The following ZNF790 variants were observed in gnomAD, a reference collection of about 807,000 sequenced individuals.
ZNF790 encodes zinc finger protein 790.
In ZNF790, 8 loss-of-function variants were observed where a neutral mutation model predicts 12.1. That is an observed-to-expected ratio of 0.66 (90% confidence interval 0.39 to 1.19). The LOEUF is 1.19. ZNF790 is among the 50% of genes most tolerant of loss of function. ZNF790 has a pLI of 0.01. For missense variants in ZNF790, 707 were observed against 752.2 expected, an observed-to-expected ratio of 0.94 and a Z score of 0.70; for synonymous variants, 252 against 244.3, an observed-to-expected ratio of 1.03 and a Z score of -0.29.
At chr19:36,832,764 A>C (rs2071967102) in intron 1 of ZNF790, among the ~76,000 whole-genome samples, 1 of 152,184 alleles carries the variant, frequency 6.6e-6, no homozygotes, top group African/African-American at 2.4e-5. Context: ...ACAGCAATAG[A>C]TAACTAATAT....
At position 36,818,850 on chromosome 19, in the gene ZNF790, T is replaced by A. The variant is rs1568332482; in HGVS notation, c.1494A>T (p.Lys498Asn). 1 of 1,613,712 alleles carries A rather than the reference T, an allele frequency of 6.2e-7. No homozygotes were observed. Among genetic ancestry groups the A allele is most frequent in the Non-Finnish European group, 8.5e-7 (1 of 1,179,888 alleles). The part of the protein sequence containing the change: ...FRGSELNRHQ[K>N]IHTGKRPYEC... Reference sequence around the variant, plus strand: ...CATATGGCCTCTTTCCAGTATGAATTTTCTGGTGTCGATTAAGTTCTGAAC... The same window carrying A: ...CATATGGCCTCTTTCCAGTATGAATATTCTGGTGTCGATTAAGTTCTGAAC... The change falls in exon 5 of 5, where the codon AAA becomes AAT. Residue 498 changes from lysine (K) to asparagine (N), a missense_variant. Physicochemically the swap from Lys to Asn is moderately conservative, Grantham distance 94. Transcript: ENST00000356725.
Position 36,823,992 on chromosome 19 carries a change from C to CTTTTTTTTTTT in ZNF790, c.10-213_10-203dup. Among the ~76,000 whole-genome samples the CTTTTTTTTTTT allele has an allele frequency of 1.4e-3, 144 of 104,378 alleles. 10 individuals carry two copies. The highest frequency in any genetic ancestry group is 5.8e-3 in the African/African-American group (136 of 23,552). 68.5% of individuals were successfully genotyped at this position (104,378 alleles called of 152,430 possible). A position where few individuals can be genotyped will look rare whatever the true frequency, so the allele number is the denominator to read the frequency against. ...GACAAAAGCCAAGTGTCTACATGCT[C>CTTTTTTTTTTT]TTTTTTTTTTTTTTTTTTTTTGAGA... On this transcript the variant is annotated intron_variant, in intron 2 of 4. Transcript: ENST00000356725.
chr19:36,844,023 TTA>T (rs1491303448), intron 1 of ZNF790, among the ~76,000 whole-genome samples: 5 of 106,716 alleles, frequency 4.7e-5, no homozygotes, highest in African/African-American at 1.8e-4. Flanking sequence ...AAAAAAAAAA[TTA>T]AAAAAAAAAA....
chr19:36,820,035 T>G lies in ZNF790; in HGVS notation c.309A>C (p.Ile103=), dbSNP rs1301235307. ...IFEREIAQLE[I]MRICKNHSLD... ...GGCTGTGGTTTTTACAAATTCTCAT[T>G]ATTTCCAATTGGGCTATTTCTCTCT... Residue 103 remains isoleucine, a synonymous_variant, in exon 5 of 5, where the codon ATA becomes ATC. Transcript: ENST00000356725. The G allele has an allele frequency of 9.9e-6, 16 of 1,613,224 alleles. No individual in the cohort carries two copies. Among genetic ancestry groups the G allele is most frequent in the Non-Finnish European group, 1.3e-5 (15 of 1,180,032 alleles).
intron 1 of ZNF790, among the ~76,000 whole-genome samples, chr19:36,835,160 A>C (rs1443727699): frequency 1.3e-5 from 2 of 152,144 alleles, no homozygotes; most frequent in Non-Finnish European, 2.9e-5. Flanking sequence ...ATGTTGGCGC[A>C]TGCCTGTAGT....
chr19:36,819,127 C>T lies in ZNF790; in HGVS notation c.1217G>A (p.Ser406Asn), dbSNP rs750365504. 8 of 1,613,318 alleles carry T rather than the reference C, an allele frequency of 5.0e-6. No homozygotes were observed. In the South Asian group the frequency reaches 6.6e-5, roughly 13 times the overall value. ...CEKCGKAYIW[S>N]SHLARHQRIH... ...TCGCTGATGTCGAGCAAGGTGTGAGCTCCAAATATAGGCTTTCCCACATTT... is the reference window on the plus strand; with the variant it reads ...TCGCTGATGTCGAGCAAGGTGTGAGTTCCAAATATAGGCTTTCCCACATTT... The change falls in exon 5 of 5, where the codon AGC (serine) becomes AAC (asparagine). Residue 406 changes from serine (S) to asparagine (N), a missense_variant. Transcript: ENST00000356725.
At chr19:36,830,448 G>T (rs889326900) in intron 1 of ZNF790, among the ~76,000 whole-genome samples, 1 of 152,108 alleles carries the variant, frequency 6.6e-6, no homozygotes, top group Non-Finnish European at 1.5e-5. Flanking sequence ...GCTACTACTT[G>T]TTGAGGATTT....
upstream of ZNF790, among the ~76,000 whole-genome samples, chr19:36,841,585 A>G (rs546544446): frequency 4.5e-4 from 69 of 151,818 alleles, no homozygotes; most frequent in African/African-American, 1.6e-3. Context: ...ACACCACTGC[A>G]CTCCAGCCTG....
At chr19:36,821,669 C>T (rs368334796) in intron 4 of ZNF790, among the ~76,000 whole-genome samples, 3 of 152,152 alleles carry the variant, frequency 2.0e-5, no homozygotes, top group East Asian at 1.9e-4. Context: ...CTGCAACCTC[C>T]GCCTCCTGGG....
Position 36,819,475 on chromosome 19 carries a change from G to T in ZNF790, c.869C>A (p.Ala290Asp). The T allele has an allele frequency of 6.2e-7, 1 of 1,610,848 alleles. No individual in the cohort carries two copies. ...KSYECKECGK[A>D]FSCGSDLTRH... ...AGTAAGATCTGAGCCACAACTAAAG[G>T]CCTTCCCACATTCCTTACATTCATA... is the stretch of plus-strand genomic sequence containing the variant. The change falls in exon 5 of 5, where the codon GCC becomes GAC. Residue 290 changes from alanine (A) to aspartate (D), a missense_variant. Ala to Asp is a moderately radical substitution (Grantham distance 126). Coordinates refer to ENST00000356725, the MANE Select transcript of ZNF790 (RefSeq NM_206894.4).
chr19:36,823,505 G>C (rs1270608963), intron 3 of ZNF790, 125 bp from the exon 4 acceptor site: 2 of 1,259,730 alleles, frequency 1.6e-6, no homozygotes, highest in Non-Finnish European at 1.1e-6. Flanking sequence ...TAAACTATGG[G>C]AAAGATGGAA....
intron 4 of ZNF790, among the ~76,000 whole-genome samples, chr19:36,822,743 T>C (rs937757533): frequency 6.6e-6 from 1 of 152,172 alleles, no homozygotes; most frequent in Non-Finnish European, 1.5e-5. Context: ...TTTCACCATG[T>C]TGGCCAGGCT....
chr19:36,826,356 G>A (rs1011474810), intron 1 of ZNF790, among the ~76,000 whole-genome samples: 9 of 151,856 alleles, frequency 5.9e-5, no homozygotes, highest in African/African-American at 1.5e-4. Flanking sequence ...GAGGCGAGGC[G>A]GGCAGATCAC....
intron 1 of ZNF790, among the ~76,000 whole-genome samples, chr19:36,834,243 CA>C (rs751627349): frequency 0.075 from 2,607 of 34,922 alleles, 34 homozygotes; most frequent in African/African-American, 0.18. Flanking sequence ...AACTCCATCT[CA>C]AAAAAAAAAA....
At chr19:36,824,098 G>A (rs1429208549) in intron 2 of ZNF790, among the ~76,000 whole-genome samples, 1 of 148,490 alleles carries the variant, frequency 6.7e-6, no homozygotes, top group Non-Finnish European at 1.5e-5. Flanking sequence ...CCGGGTTCAC[G>A]CCATTCTCCT....
intron 1 of ZNF790, among the ~76,000 whole-genome samples, chr19:36,829,813 C>T (rs1266962962): frequency 1.3e-5 from 2 of 152,076 alleles, no homozygotes; most frequent in Non-Finnish European, 2.9e-5. Flanking sequence ...GTGATCCGCC[C>T]GCCTCGGCCT....
intron 1 of ZNF790, among the ~76,000 whole-genome samples, chr19:36,836,534 G>A (rs965131390): frequency 1.3e-5 from 2 of 152,138 alleles, no homozygotes; most frequent in East Asian, 1.9e-4. Flanking sequence ...CGAGGCGGGC[G>A]GATCACAAAG....
intron 1 of ZNF790, among the ~76,000 whole-genome samples, chr19:36,833,818 T>C (rs1353087599): frequency 5.3e-5 from 8 of 152,156 alleles, no homozygotes; most frequent in East Asian, 3.8e-4. Flanking sequence ...CAGATAAATA[T>C]AGATGAAAAT....
At chr19:36,843,167 T>G (rs114461357), upstream of ZNF790, among the ~76,000 whole-genome samples, 1,726 of 152,314 alleles carry the variant, frequency 0.011, 43 homozygotes, top group African/African-American at 0.039. Flanking sequence ...CTGCTAGGAC[T>G]TTAGTTTTCT....
Sources: gnomAD v4.1 joint callset for allele counts (sites outside exome capture counted in the v4.1 genomes callset) on GRCh38, gnomAD v4.1.1 for gene constraint, MANE v1.5 for transcripts, NCBI Gene and HGNC (gene_info 2026-07-23, HGNC 2026-07-21) for gene names.